MARCHF4: variants seen among roughly 807,000 people sequenced by gnomAD.
MARCHF4 encodes the protein E3 ubiquitin-protein ligase MARCHF4.
A neutral mutation model predicts 43.9 loss-of-function variants in MARCHF4; 14 were observed. The ratio of observed to expected loss-of-function variants is 0.32; its 90% CI spans 0.21 to 0.50. MARCHF4 has a LOEUF of 0.50. Among genes scored for constraint, MARCHF4 ranks in the 20% least tolerant of loss-of-function variants. The pLI, the probability that MARCHF4 is intolerant of heterozygous loss-of-function variation, is 0.98. For synonymous variants in MARCHF4, 226 were observed against 213.3 expected (o/e 1.06, Z -0.52); for missense variants, 468 against 536.7 (o/e 0.87, Z 1.27).
chr2:216,283,789 A>G (rs1691173912), intron 1 of MARCHF4, 60 bp from the exon 2 acceptor site: 2 of 1,494,568 alleles, frequency 1.3e-6, no homozygotes, highest in South Asian at 2.6e-5. Flanking sequence ...TGGGTGAGTG[A>G]TGGGCGGGAG....
intron 1 of MARCHF4, among the ~76,000 whole-genome samples, chr2:216,336,875 G>C (rs898735008): frequency 1.3e-5 from 2 of 151,538 alleles, no homozygotes; most frequent in Admixed American, 6.6e-5. Flanking sequence ...AAACAGTCCA[G>C]GCACAGTGGC....
intron 1 of MARCHF4, among the ~76,000 whole-genome samples, chr2:216,354,437 G>C (rs1413459018): frequency 6.6e-6 from 1 of 152,152 alleles, no homozygotes; most frequent in Admixed American, 6.5e-5. Context: ...GGCATCACTA[G>C]TCACCCCTCC....
Position 216,320,664 on chromosome 2 carries a change from TTTC to T in MARCHF4, c.517-36938_517-36936del, listed in dbSNP as rs1205192928. 1.5e-4 allele frequency among the ~76,000 whole-genome samples: 18 copies of T among 119,908 alleles called. No individual in the cohort carries two copies. In the East Asian group the frequency reaches 4.1e-3, roughly 27 times the overall value. 78.7% of individuals were successfully genotyped at this position (119,908 alleles called of 152,430 possible). A position where few individuals can be genotyped will look rare whatever the true frequency, so the allele number is the denominator to read the frequency against. On this transcript the variant is annotated intron_variant, in intron 1 of 3. Transcript: ENST00000273067. Reference sequence around the variant, plus strand: ...CTTTCTTTCTTTCTTTCTTTCTTTCTTTCTTTCTTTCTTTTTTTTTTTTTGAGA... The same window carrying T: ...CTTTCTTTCTTTCTTTCTTTCTTTCTTTTCTTTCTTTTTTTTTTTTTGAGA...
intron 3 of MARCHF4, among the ~76,000 whole-genome samples, chr2:216,271,277 T>C (rs2105934790): frequency 6.6e-6 from 1 of 152,312 alleles, no homozygotes; most frequent in Non-Finnish European, 1.5e-5. Flanking sequence ...CTCACTCATG[T>C]CTCTGCACCT....
chr2:216,270,003 C>T (rs868486186), intron 3 of MARCHF4, among the ~76,000 whole-genome samples: 4 of 152,224 alleles, frequency 2.6e-5, no homozygotes, highest in Admixed American at 6.5e-5. Context: ...GCTTCAAACA[C>T]CTTTTACTGT....
At position 216,320,672 on chromosome 2, in the gene MARCHF4, TTTC is replaced by T. The variant is rs1353853897; in HGVS notation, c.517-36946_517-36944del. On this transcript the variant is annotated intron_variant, in intron 1 of 3. Coordinates refer to ENST00000273067, the MANE Select transcript of MARCHF4 (RefSeq NM_020814.3). ...CTTTCTTTCTTTCTTTCTTTCTTTC[TTTC>T]TTTTTTTTTTTTTGAGATGGAGTCC... Among the ~76,000 whole-genome samples, 769 of 96,470 alleles carry T rather than the reference TTTC, an allele frequency of 8.0e-3. 4 individuals are homozygous for T. The highest frequency in any genetic ancestry group is 0.018 in the East Asian group (66 of 3,692). The allele number at this position is 96,470 out of a possible 152,430, so 63.3% of individuals were successfully genotyped here. A position where few individuals can be genotyped will look rare whatever the true frequency, so the allele number is the denominator to read the frequency against.
chr2:216,262,547 G>A (rs1690758473), intron 3 of MARCHF4, among the ~76,000 whole-genome samples: 1 of 152,152 alleles, frequency 6.6e-6, no homozygotes, highest in Non-Finnish European at 1.5e-5. Context: ...GAGGATTATT[G>A]GAGTCAGTGA....
At position 216,349,163 on chromosome 2, in the gene MARCHF4, T is replaced by C. The variant is rs532552038; in HGVS notation, c.516+20582A>G. Among the ~76,000 whole-genome samples, 3 of 152,314 alleles carry C rather than the reference T, an allele frequency of 2.0e-5. No homozygotes were observed. In the South Asian group the frequency reaches 6.2e-4, roughly 32 times the overall value. On this transcript the variant is annotated intron_variant, in intron 1 of 3. Coordinates refer to ENST00000273067, the MANE Select transcript of MARCHF4 (RefSeq NM_020814.3). ...TCCCAGTGTGGTGAGCAGTAACAAA[T>C]TCAGTGTGCACGTGCAATGTGCTGA...
At position 216,282,000 on chromosome 2, in the gene MARCHF4, G is replaced by A. The variant is rs565129972; in HGVS notation, c.672+1574C>T. Among the ~76,000 whole-genome samples the A allele has an allele frequency of 2.6e-5, 4 of 152,262 alleles. No individual in the cohort carries two copies. The East Asian group carries it at 7.7e-4, about 29-fold the overall frequency. On this transcript the variant is annotated intron_variant, in intron 2 of 3. Transcript: ENST00000273067. ...AGGGTACTTTGGGGTGGGCTCATGA[G>A]TTTGGAATCTGATCCTTTCTTGAGG...
intron 1 of MARCHF4, among the ~76,000 whole-genome samples, chr2:216,297,266 TC>T (rs1197637896): frequency 3.3e-5 from 5 of 152,086 alleles, no homozygotes; most frequent in Non-Finnish European, 7.4e-5. Context: ...CCTCCTCTCC[TC>T]CCCCAGCATC....
chr2:216,264,925 A>C (rs1255243438), intron 3 of MARCHF4, among the ~76,000 whole-genome samples: 1 of 152,196 alleles, frequency 6.6e-6, no homozygotes, highest in Non-Finnish European at 1.5e-5. Flanking sequence ...TACCTCATTC[A>C]AATCCACTCT....
chr2:216,359,209 G>A (rs1692542512), intron 1 of MARCHF4, among the ~76,000 whole-genome samples: 1 of 152,238 alleles, frequency 6.6e-6, no homozygotes, highest in Admixed American at 6.5e-5. Flanking sequence ...AGGCAGGGGA[G>A]AAGAGAGATG....
intron 1 of MARCHF4, among the ~76,000 whole-genome samples, chr2:216,285,851 T>C (rs537560783): frequency 1.3e-5 from 2 of 152,316 alleles, no homozygotes; most frequent in South Asian, 4.1e-4. Flanking sequence ...ATTAATCGGA[T>C]TGTTAAGCAG....
intron 3 of MARCHF4, chr2:216,266,065 C>A (rs577374971): frequency 1.2e-4 from 18 of 152,280 alleles, no homozygotes; most frequent in Admixed American, 2.6e-4. Context: ...ATGTCATAGA[C>A]ATGGAAATGG....
intron 1 of MARCHF4, among the ~76,000 whole-genome samples, chr2:216,361,614 G>T (rs1259977696): frequency 6.6e-6 from 1 of 152,200 alleles, no homozygotes; most frequent in Admixed American, 6.5e-5. Flanking sequence ...AGACAACTAT[G>T]TTGGGAGTGA....
chr2:216,353,780 T>A (rs1692438634), intron 1 of MARCHF4, among the ~76,000 whole-genome samples: 1 of 152,218 alleles, frequency 6.6e-6, no homozygotes, highest in Non-Finnish European at 1.5e-5. Context: ...ACTCCTGACC[T>A]CAAGTGATGT....
chr2:216,358,589 A>ATG (rs1473382385), intron 1 of MARCHF4, among the ~76,000 whole-genome samples: 3 of 152,174 alleles, frequency 2.0e-5, no homozygotes, highest in African/African-American at 7.2e-5. Flanking sequence ...GCAAATAAGA[A>ATG]CAATCACTAG....
intron 1 of MARCHF4, among the ~76,000 whole-genome samples, chr2:216,294,852 A>C (rs974112636): frequency 6.6e-6 from 1 of 152,236 alleles, no homozygotes; most frequent in Admixed American, 6.5e-5. Context: ...CTTACTGAGC[A>C]CTTATCAGGT....
intron 3 of MARCHF4, among the ~76,000 whole-genome samples, chr2:216,260,312 C>T (rs1690720570): frequency 6.6e-6 from 1 of 152,238 alleles, no homozygotes; most frequent in Non-Finnish European, 1.5e-5. Flanking sequence ...CCTCTGAGAG[C>T]TTACATCTTC....
Sources: allele counts gnomAD v4.1 joint callset (sites outside exome capture counted in the v4.1 genomes callset), GRCh38; gene constraint gnomAD v4.1.1; transcripts MANE v1.5; gene names NCBI Gene and HGNC (gene_info 2026-07-23, HGNC 2026-07-21).